The following IL5 variants were observed in gnomAD, a reference collection of about 807,000 sequenced individuals.
IL5 encodes the protein interleukin 5.
In IL5, 12 loss-of-function variants were observed where a neutral mutation model predicts 16.3. The ratio of observed to expected loss-of-function variants is 0.74; its 90% CI spans 0.47 to 1.20. The LOEUF (loss-of-function observed/expected upper bound fraction) is 1.20, where lower values mean the gene tolerates loss of function less well. Among genes scored for constraint, IL5 ranks in the 50% most tolerant of loss-of-function variants. The probability of loss-of-function intolerance (pLI) is 0.00; values close to 1 mark genes in which losing one functional copy is unlikely to be tolerated. For missense variants in IL5, 159 were observed against 153.9 expected (o/e 1.03, Z -0.17); for synonymous variants, 54 against 56.6 (o/e 0.95, Z 0.21).
chr5:132,553,629 G>A (rs1203594020), intron 1 of IL5, among the ~76,000 whole-genome samples: 2 of 152,060 alleles, frequency 1.3e-5, no homozygotes, highest in Non-Finnish European at 2.9e-5. Context: ...AGTCTCCACA[G>A]TATTCATTTA....
intron 2 of IL5, 28 bp downstream of exon 2, chr5:132,543,066 C>A (rs1749723555): frequency 6.6e-7 from 1 of 1,503,804 alleles, no homozygotes; most frequent in Non-Finnish European, 9.2e-7. Context: ...TTCATGCCAT[C>A]ATTTTACTGA....
intron 1 of IL5, among the ~76,000 whole-genome samples, chr5:132,553,354 G>A (rs565742211): frequency 3.2e-4 from 48 of 152,048 alleles, no homozygotes; most frequent in African/African-American, 1.2e-3. Context: ...ACTTTTTTCC[G>A]TTTTTAAGAA....
chr5:132,541,874 T>C lies in IL5; in HGVS notation c.342A>G (p.Gln114=). 1.2e-6 allele frequency: 2 copies of C among 1,614,018 alleles called. No individual in the cohort carries two copies. Among genetic ancestry groups the C allele is most frequent in the Non-Finnish European group, 1.7e-6 (2 of 1,179,896 alleles). The change falls in exon 4 of 4, where the codon CAA becomes CAG. Residue 114 remains glutamine, a synonymous_variant. Coordinates refer to ENST00000231454, the MANE Select transcript of IL5 (RefSeq NM_000879.3). ...GAAACTCTTGCAGGTAGTCTAGGAATTGGTTTACTCTCCGTCTTTCTTCTC... is the reference window on the plus strand; with the variant it reads ...GAAACTCTTGCAGGTAGTCTAGGAACTGGTTTACTCTCCGTCTTTCTTCTC... ...KCGEERRRVN[Q]FLDYLQEFLG...
At chr5:132,556,718 C>T in exon 1 of IL5, 1 of 1,245,782 alleles carries the variant, frequency 8.0e-7, no homozygotes, top group Non-Finnish European at 1.0e-6. Context: ...ACCCCCATTC[C>T]AGGAGTCCCA....
At chr5:132,549,202 C>A (rs2078387) in intron 1 of IL5, among the ~76,000 whole-genome samples, 103,501 of 152,024 alleles carry the variant, frequency 0.68, 37,157 homozygotes, top group East Asian at 0.82. Context: ...ATTACAGGCA[C>A]CTGCCACCAC....
intron 1 of IL5, among the ~76,000 whole-genome samples, chr5:132,552,514 A>T (rs914226419): frequency 6.6e-6 from 1 of 152,090 alleles, no homozygotes; most frequent in African/African-American, 2.4e-5. Context: ...CTTTTATCTT[A>T]GTTTTATAGT....
intron 1 of IL5, among the ~76,000 whole-genome samples, chr5:132,551,577 G>C (rs1749884082): frequency 6.6e-6 from 1 of 152,094 alleles, no homozygotes; most frequent in African/African-American, 2.4e-5. Context: ...TGTGTGTTCT[G>C]TGATGGAATG....
rs538136559 is a variant in IL5, at chr5:132,554,451, GCTA to G, written c.42+2220_42+2222del. ...ATGGCCAATAAACACATGAAATGAT[GCTA>G]CTAATAATTATTGAAATGCAAATCA... On this transcript the variant is annotated intron_variant, in intron 1 of 2. Coordinates refer to the IL5 transcript ENST00000450655. Among the ~76,000 whole-genome samples, 15 of 151,258 alleles carry G rather than the reference GCTA, an allele frequency of 9.9e-5. No individual in the cohort carries two copies. In the East Asian group the frequency reaches 2.9e-3, roughly 29 times the overall value.
upstream of IL5, among the ~76,000 whole-genome samples, chr5:132,546,694 A>C (rs186412696): frequency 6.6e-6 from 1 of 152,012 alleles, no homozygotes; most frequent in East Asian, 1.9e-4. Flanking sequence ...CTGACTGTAA[A>C]CTGTCTCGGA....
upstream of IL5, among the ~76,000 whole-genome samples, chr5:132,548,229 CAAAA>C (rs112997896): frequency 1.0e-5 from 1 of 96,586 alleles, no homozygotes; most frequent in African/African-American, 3.9e-5. Context: ...GACCCTGTCT[CAAAA>C]AAAAAAAAAA....
intron 1 of IL5, among the ~76,000 whole-genome samples, chr5:132,555,602 G>A (rs981043781): frequency 2.6e-5 from 4 of 152,166 alleles, no homozygotes; most frequent in Non-Finnish European, 5.9e-5. Context: ...TGCAAGCTCC[G>A]CCTCCCGGGT....
intron 1 of IL5, among the ~76,000 whole-genome samples, chr5:132,549,206 C>A (rs1749843941): frequency 6.6e-6 from 1 of 152,202 alleles, no homozygotes; most frequent in Admixed American, 6.5e-5. Flanking sequence ...CAGGCACCTG[C>A]CACCACGCCC....
chr5:132,554,581 T>C (rs1396166332), intron 1 of IL5, among the ~76,000 whole-genome samples: 2 of 152,200 alleles, frequency 1.3e-5, no homozygotes, highest in Admixed American at 1.3e-4. Flanking sequence ...GAAACCCTTA[T>C]GCACTATTGG....
At chr5:132,555,739 T>C (rs1015986416) in intron 1 of IL5, among the ~76,000 whole-genome samples, 3 of 152,300 alleles carry the variant, frequency 2.0e-5, no homozygotes, top group Non-Finnish European at 4.4e-5. Context: ...ATGGTCTTCA[T>C]TTCCTGACCT....
At chr5:132,543,306 C>T (rs752121509) in intron 1 of IL5, 29 bp downstream of exon 1, 1 of 1,595,296 alleles carries the variant, frequency 6.3e-7, no homozygotes, top group Non-Finnish European at 8.6e-7. Flanking sequence ...ATGCACTTTA[C>T]AGACTGTAGG....
chr5:132,545,780 C>T (rs999443404), upstream of IL5, among the ~76,000 whole-genome samples: 1 of 152,076 alleles, frequency 6.6e-6, no homozygotes, highest in Non-Finnish European at 1.5e-5. Context: ...ATTAGCCAGG[C>T]GTGGTGGTGT....
chr5:132,546,188 AT>A (rs547426504), upstream of IL5, among the ~76,000 whole-genome samples: 22 of 152,108 alleles, frequency 1.4e-4, no homozygotes, highest in Non-Finnish European at 2.6e-4. Context: ...TATCTTAACC[AT>A]TTTTTTAAGT....
upstream of IL5, among the ~76,000 whole-genome samples, chr5:132,547,204 A>G (rs1378301399): frequency 1.3e-5 from 2 of 152,226 alleles, no homozygotes; most frequent in East Asian, 1.9e-4. Context: ...AGAGAACTGT[A>G]TGGAAAGGGG....
intron 1 of IL5, chr5:132,556,469 A>G (rs1276544124): frequency 1.7e-5 from 3 of 180,444 alleles, no homozygotes; most frequent in African/African-American, 7.2e-5. Flanking sequence ...GACCTCAAAG[A>G]GCGTGTACGT....
Sources: allele counts gnomAD v4.1 joint callset (sites outside exome capture counted in the v4.1 genomes callset), GRCh38; gene constraint gnomAD v4.1.1; transcripts MANE v1.5; gene names NCBI Gene and HGNC (gene_info 2026-07-23, HGNC 2026-07-21).